Variants in ARHGAP20 observed in about 807,000 individuals in gnomAD.
The protein encoded by ARHGAP20 is Rho GTPase activating protein 20.
ARHGAP20 carries 34 observed loss-of-function variants against 73.7 expected under a neutral mutation model. That is an observed-to-expected ratio of 0.46 (90% CI 0.35 to 0.61). The LOEUF (loss-of-function observed/expected upper bound fraction) is 0.61. Ranked by LOEUF, ARHGAP20 falls within the 20% of genes least tolerant of loss-of-function variation. ARHGAP20 has a pLI of 0.00. For synonymous variants in ARHGAP20, 523 were observed against 518.2 expected, an observed-to-expected ratio of 1.01 and a Z score of -0.13; for missense variants, 1,314 against 1,420.9, an observed-to-expected ratio of 0.92 and a Z score of 1.21.
At position 110,615,549 on chromosome 11, in the gene ARHGAP20, A is replaced by T. The variant is rs1948464801; in HGVS notation, c.545+4T>A. 1 of 1,608,718 alleles carries T rather than the reference A, an allele frequency of 6.2e-7. No individual in the cohort carries two copies. The highest frequency in any genetic ancestry group is 1.3e-5 in the African/African-American group (1 of 74,580). ...GATTAAAAATATGAATACTGAAAAA[A>T]TACCTCTGAAGGAGAGAGAGCCATT... On this transcript the variant is annotated splice_donor_region_variant and intron_variant, in intron 5 of 14. Coordinates refer to ENST00000683387, the MANE Select transcript of ARHGAP20 (RefSeq NM_001384657.1).
At chr11:110,699,739 A>C (rs1320200898) in intron 1 of ARHGAP20, among the ~76,000 whole-genome samples, 2 of 151,858 alleles carry the variant, frequency 1.3e-5, no homozygotes, top group African/African-American at 4.8e-5. Flanking sequence ...TTCCATTTAC[A>C]TGACATATCT....
chr11:110,656,922 T>C (rs1344746214), intron 2 of ARHGAP20, among the ~76,000 whole-genome samples: 2 of 152,226 alleles, frequency 1.3e-5, no homozygotes, highest in African/African-American at 4.8e-5. Context: ...GATTTCTTTT[T>C]ACCCATTTTG....
At position 110,583,673 on chromosome 11, in the gene ARHGAP20, T is replaced by C. The variant is rs766886227; in HGVS notation, c.1480A>G (p.Asn494Asp). The stretch of plus-strand genomic sequence containing the variant: ...TTGGATGAGGAATGTTGCTCAATGT[T>C]GTGTAACACCCCAAAAAGATACCTT... ...LLRYLFGVLHNIEQHSSSNQM... is the reference protein window; with the variant it reads ...LLRYLFGVLHDIEQHSSSNQM... The change falls in exon 13 of 15, where the codon AAC becomes GAC. Residue 494 changes from asparagine (N) to aspartate (D), a missense_variant. Asn to Asp is a conservative substitution (Grantham distance 23). This residue lies in a region of ARHGAP20 where 230 missense variants were observed against 317.6 expected (regional missense o/e 0.72). Transcript: ENST00000683387. 6.2e-7 allele frequency: 1 copy of C among 1,611,086 alleles called. No individual in the cohort carries two copies. The highest frequency in any genetic ancestry group is 8.5e-7 in the Non-Finnish European group (1 of 1,177,984).
chr11:110,641,591 GT>G (rs1303632608), intron 2 of ARHGAP20, among the ~76,000 whole-genome samples: 10 of 152,114 alleles, frequency 6.6e-5, no homozygotes, highest in African/African-American at 2.4e-4. Flanking sequence ...TTTAAGAATA[GT>G]TCTGCTTCAT....
intron 11 of ARHGAP20, among the ~76,000 whole-genome samples, chr11:110,588,550 G>C (rs973829211): frequency 5.3e-4 from 81 of 152,234 alleles, no homozygotes; most frequent in African/African-American, 1.9e-3. Context: ...GGAAGAAAAG[G>C]GGGTAAAACA....
chr11:110,634,875 G>A (rs1948931776), intron 2 of ARHGAP20, among the ~76,000 whole-genome samples: 1 of 152,032 alleles, frequency 6.6e-6, no homozygotes, highest in Admixed American at 6.6e-5. Context: ...AGTCACTTCA[G>A]GGAAACAATC....
chr11:110,710,173 T>C (rs1269245414), intron 1 of ARHGAP20, among the ~76,000 whole-genome samples: 1 of 152,210 alleles, frequency 6.6e-6, no homozygotes, highest in Non-Finnish European at 1.5e-5. Context: ...ATTTATTAAA[T>C]GTCTATTATA....
intron 2 of ARHGAP20, among the ~76,000 whole-genome samples, chr11:110,647,697 T>C (rs776802559): frequency 6.6e-6 from 1 of 152,130 alleles, no homozygotes; most frequent in Non-Finnish European, 1.5e-5. Flanking sequence ...AAAAGTAGTT[T>C]TGAAATCAAA....
chr11:110,643,748 G>C (rs1949124686), intron 2 of ARHGAP20, among the ~76,000 whole-genome samples: 1 of 151,984 alleles, frequency 6.6e-6, no homozygotes, highest in South Asian at 2.1e-4. Flanking sequence ...GTTGGGTAGA[G>C]TATTCTGTGG....
Position 110,596,448 on chromosome 11 carries a change from G to A in ARHGAP20, c.965-4293C>T, listed in dbSNP as rs1947962865. On this transcript the variant is annotated intron_variant, in intron 9 of 14. Transcript: ENST00000683387. ...ACAGTGAACTCAAACGAATTTACAA[G>A]AAATAAACAACCCCATCAAAAAGTG... Among the ~76,000 whole-genome samples the A allele has an allele frequency of 2.6e-5, 4 of 150,952 alleles. No homozygotes were observed. In the South Asian group the frequency reaches 8.3e-4, roughly 31 times the overall value.
intron 10 of ARHGAP20, among the ~76,000 whole-genome samples, chr11:110,591,375 C>G (rs777491249): frequency 5.3e-5 from 8 of 152,134 alleles, no homozygotes; most frequent in Admixed American, 2.6e-4. Context: ...AATAAAGTGG[C>G]TAGACAAGTG....
At chr11:110,687,077 CAT>C (rs1282800863) in intron 2 of ARHGAP20, among the ~76,000 whole-genome samples, 9 of 104,778 alleles carry the variant, frequency 8.6e-5, no homozygotes, top group Admixed American at 2.9e-4. Context: ...CACACACACA[CAT>C]ATATATAGAC....
chr11:110,616,752 T>TA (rs1948493388), intron 4 of ARHGAP20, among the ~76,000 whole-genome samples: 1 of 151,936 alleles, frequency 6.6e-6, no homozygotes, highest in African/African-American at 2.4e-5. Flanking sequence ...TATCTTTTGA[T>TA]GTATTCTCTT....
At position 110,614,466 on chromosome 11, in the gene ARHGAP20, A is replaced by AGCCT. The variant is rs151296059; in HGVS notation, c.630+91_630+94dup. On this transcript the variant is annotated intron_variant, in intron 6 of 14. Transcript: ENST00000683387. ...TACCTTCCATAGCACATACACAGTT[A>AGCCT]GCCTGCCTGCCTGCCTGCTCTCTCT... 7,210 of 1,142,378 alleles carry AGCCT rather than the reference A, an allele frequency of 6.3e-3. 204 individuals are homozygous for AGCCT. In the African/African-American group the frequency reaches 0.076, roughly 12 times the overall value. The allele number at this position is 1,142,378 out of a possible 1,614,324, so 70.8% of individuals were successfully genotyped here.
At chr11:110,608,846 G>T in intron 8 of ARHGAP20, 138 bp downstream of exon 8, 2 of 654,436 alleles carry the variant, frequency 3.1e-6, no homozygotes, top group South Asian at 2.3e-5. Context: ...ATCTTTGATA[G>T]ATCTTTATTA....
chr11:110,653,351 A>C (rs1949396905), intron 2 of ARHGAP20, among the ~76,000 whole-genome samples: 1 of 152,240 alleles, frequency 6.6e-6, no homozygotes, highest in South Asian at 2.1e-4. Context: ...TCCAGAATCT[A>C]CAAGGAACTT....
chr11:110,584,084 C>T (rs11213489), intron 12 of ARHGAP20, among the ~76,000 whole-genome samples: 2 of 151,960 alleles, frequency 1.3e-5, no homozygotes, highest in African/African-American at 4.8e-5. Flanking sequence ...ATATTTTCAA[C>T]CAAAAACAAC....
At chr11:110,642,696 G>C (rs971014316) in intron 2 of ARHGAP20, among the ~76,000 whole-genome samples, 1 of 152,054 alleles carries the variant, frequency 6.6e-6, no homozygotes, top group Non-Finnish European at 1.5e-5. Context: ...GTAGTATTTT[G>C]TCGAGGATTT....
At chr11:110,607,403 C>T (rs1222042039) in intron 8 of ARHGAP20, among the ~76,000 whole-genome samples, 1 of 152,086 alleles carries the variant, frequency 6.6e-6, no homozygotes, top group Non-Finnish European at 1.5e-5. Flanking sequence ...GATGCAAAAA[C>T]GAATATACAG....
Sources: allele counts gnomAD v4.1 joint callset (sites outside exome capture counted in the v4.1 genomes callset), GRCh38; gene constraint gnomAD v4.1.1; regional missense constraint gnomAD v4.1.1; transcripts MANE v1.5; gene names NCBI Gene and HGNC (gene_info 2026-07-23, HGNC 2026-07-21).